The following FPGT variants were observed in gnomAD, a reference collection of about 807,000 sequenced individuals.
FPGT encodes the protein GDP-L-fucose diphosphorylase.
Under a neutral mutation model 45.8 loss-of-function variants are expected in FPGT, and 41 were observed. The observed-to-expected ratio is 0.90, with a 90% confidence interval of 0.70 to 1.16. The LOEUF (loss-of-function observed/expected upper bound fraction) is 1.16. FPGT is among the 50% of genes most tolerant of loss of function. FPGT has a pLI of 0.00. For synonymous variants in FPGT, 292 were observed against 247.2 expected (o/e 1.18, Z -1.70); for missense variants, 755 against 689.1 (o/e 1.10, Z -1.07).
chr1:74,200,866 A>G (rs1651728049), intron 2 of FPGT: 1 of 156,338 alleles, frequency 6.4e-6, no homozygotes, highest in Non-Finnish European at 1.4e-5. Context: ...TGTGGTAGTT[A>G]TATTTAAGAT....
At position 74,198,301 on chromosome 1, in the gene FPGT, C is replaced by T. The variant is rs148983142; in HGVS notation, c.23C>T (p.Pro8Leu). 4 of 1,613,970 alleles carry T rather than the reference C, an allele frequency of 2.5e-6. No homozygotes were observed. Among genetic ancestry groups the T allele is most frequent in the Non-Finnish European group, 2.5e-6 (3 of 1,180,024 alleles). MAAARDPPEVSLREATQR... is the reference protein window; with the variant it reads MAAARDPLEVSLREATQR... ...GCTATGGCAGCTGCTAGGGACCCTC[C>T]GGAAGTATCGCTGCGAGAAGCCACC... Residue 8 changes from proline (P) to leucine (L), a missense_variant, in exon 1 of 4, where the codon CCG becomes CTG. Transcript: ENST00000370898.
intron 3 of FPGT, 26 bp from the exon 4 acceptor site, chr1:74,204,365 A>G (rs1344359954): frequency 1.3e-6 from 2 of 1,490,324 alleles, no homozygotes; most frequent in East Asian, 4.6e-5. Context: ...GCATTTTTAA[A>G]TGGTTATTTC....
At position 74,205,624 on chromosome 1, in the gene FPGT, G is replaced by T. The variant is rs756604825; in HGVS notation, c.1577G>T (p.Arg526Leu). The change falls in exon 4 of 4, where the codon CGC becomes CTC. Residue 526 changes from arginine (R) to leucine (L), a missense_variant. By Grantham distance (102) the Arg-to-Leu change is moderately radical. Coordinates refer to ENST00000370898, the MANE Select transcript of FPGT (RefSeq NM_003838.5). ...ACATGTCTGAGTTTGTGGACTGCAC[G>T]CATTTTCCCAGTTTGTTCTTCTTTG... ...NKTCLSLWTA[R>L]IFPVCSSLSD... The T allele has an allele frequency of 1.2e-6, 2 of 1,611,424 alleles. No individual in the cohort carries two copies. Among genetic ancestry groups the T allele is most frequent in the Non-Finnish European group, 1.7e-6 (2 of 1,177,558 alleles).
At chr1:74,203,553 A>T (rs1448207876) in intron 3 of FPGT, among the ~76,000 whole-genome samples, 3 of 151,426 alleles carry the variant, frequency 2.0e-5, no homozygotes, top group Non-Finnish European at 4.4e-5. Flanking sequence ...CACCACGCCC[A>T]GCTAATTTTT....
chr1:74,201,115 G>T (rs1342112991), intron 2 of FPGT, among the ~76,000 whole-genome samples: 1 of 152,014 alleles, frequency 6.6e-6, no homozygotes, highest in Non-Finnish European at 1.5e-5. Context: ...TGTTGTCTGG[G>T]TTTCATTGCT....
At position 74,204,582 on chromosome 1, in the gene FPGT, G is replaced by C. The variant is rs1271712413; in HGVS notation, c.535G>C (p.Glu179Gln). ...TGAACTTTATAGTATTGGAGAATTTGAGTTTATTAGGTTTGACAAACCTGG... is the reference window on the plus strand; with the variant it reads ...TGAACTTTATAGTATTGGAGAATTTCAGTTTATTAGGTTTGACAAACCTGG... ...DIELYSIGEF[E>Q]FIRFDKPGFT... is the part of the protein sequence containing the mutation. The change falls in exon 4 of 4, where the codon GAG becomes CAG. Residue 179 changes from glutamate to glutamine, a missense_variant. Physicochemically the swap from Glu to Gln is conservative, Grantham distance 29. Transcript: ENST00000370898. The C allele has an allele frequency of 1.2e-6, 2 of 1,612,482 alleles. No homozygotes were observed. The highest frequency in any genetic ancestry group is 1.3e-5 in the African/African-American group (1 of 74,862).
rs751198362 is a variant in FPGT, at chr1:74,204,516, A to C, written c.469A>C (p.Asn157His). 6.2e-7 allele frequency: 1 copy of C among 1,609,536 alleles called. No individual in the cohort carries two copies. The highest frequency in any genetic ancestry group is 1.7e-5 in the Admixed American group (1 of 60,002). Residue 157 changes from asparagine to histidine, a missense_variant, in exon 4 of 4, where the codon AAT becomes CAT. Transcript: ENST00000370898. ...KLAMYIDFPL[N>H]MNPGILVTCA... The stretch of plus-strand genomic sequence containing the variant: ...AGCCATGTACATTGATTTCCCCTTA[A>C]ATATGAATCCTGGAATTCTGGTTAC...
Position 74,205,263 on chromosome 1 carries a change from A to G in FPGT, c.1216A>G (p.Ile406Val), listed in dbSNP as rs1652174927. Residue 406 changes from isoleucine (I) to valine (V), a missense_variant, in exon 4 of 4, where the codon ATA becomes GTA. Ile to Val is a conservative substitution (Grantham distance 29). Transcript: ENST00000370898. ...SGKTSCIIQS[I>V]LDSRCSVAPG... ...CAAAACATCCTGTATCATTCAAAGC[A>G]TACTGGATTCAAGATGTTCTGTGGC... The G allele has an allele frequency of 2.5e-6, 4 of 1,613,806 alleles. No individual in the cohort carries two copies. The highest frequency in any genetic ancestry group is 1.3e-5 in the African/African-American group (1 of 74,930).
At position 74,205,808 on chromosome 1, in the gene FPGT, C is replaced by A. The variant is rs1652241523; in HGVS notation, c.1761C>A (p.Ile587=). The A allele has an allele frequency of 1.3e-6, 2 of 1,560,428 alleles. No individual in the cohort carries two copies. Among genetic ancestry groups the A allele is most frequent in the South Asian group, 1.1e-5 (1 of 87,758 alleles). The change falls in exon 4 of 4, where the codon ATC becomes ATA. Residue 587 remains isoleucine (I), a synonymous_variant. Coordinates refer to ENST00000370898, the MANE Select transcript of FPGT (RefSeq NM_003838.5). ...ACAGGGAACAAATTTTTCTAGAAAT[C>A]AGTTTAAAAAGCAGTTTGATGTAGA... is the stretch of plus-strand genomic sequence containing the variant. The part of the protein sequence containing the change: ...ITYREQIFLE[I]SLKSSLM
At position 74,205,755 on chromosome 1, in the gene FPGT, T is replaced by A; in HGVS notation, c.1708T>A (p.Tyr570Asn). ...KLLSIEEMLI[Y>N]KDVEDMITYR... ...GCTGTCCATTGAAGAAATGCTTATCTACAAAGATGTAGAAGATATGATAAC... is the reference window on the plus strand; with the variant it reads ...GCTGTCCATTGAAGAAATGCTTATCAACAAAGATGTAGAAGATATGATAAC... Residue 570 changes from tyrosine (Y) to asparagine (N), a missense_variant, in exon 4 of 4, where the codon TAC becomes AAC. Tyr to Asn is a moderately radical substitution (Grantham distance 143). Coordinates refer to ENST00000370898, the MANE Select transcript of FPGT (RefSeq NM_003838.5). The A allele has an allele frequency of 6.3e-7, 1 of 1,597,002 alleles. No individual in the cohort carries two copies. The highest frequency in any genetic ancestry group is 8.6e-7 in the Non-Finnish European group (1 of 1,164,594).
chr1:74,208,342 C>G lies in FPGT; in HGVS notation c.*2510C>G, dbSNP rs150563550. On this transcript the variant is annotated 3_prime_UTR_variant, in exon 4 of 4. Transcript: ENST00000370898. ...AGAAGTGACTAAATTTTGTGACAATCTTAATTTTTTAGGCTTTTCATTTAG... is the reference window on the plus strand; with the variant it reads ...AGAAGTGACTAAATTTTGTGACAATGTTAATTTTTTAGGCTTTTCATTTAG... Among the ~76,000 whole-genome samples, 1,904 of 151,846 alleles carry G rather than the reference C, an allele frequency of 0.013. 15 individuals carry two copies. The highest frequency in any genetic ancestry group is 0.02 in the Non-Finnish European group (1,334 of 67,894).
intron 1 of FPGT, among the ~76,000 whole-genome samples, chr1:74,199,200 C>T (rs1342655045): frequency 6.6e-6 from 1 of 152,164 alleles, no homozygotes; most frequent in African/African-American, 2.4e-5. Flanking sequence ...CATTTATAAA[C>T]AGCAACATTG....
In FPGT at chr1:74,201,322, T is replaced by C; in HGVS notation, c.255T>C (p.Asn85=). The C allele has an allele frequency of 6.2e-7, 1 of 1,608,016 alleles. No homozygotes were observed. Among genetic ancestry groups the C allele is most frequent in the Non-Finnish European group, 8.5e-7 (1 of 1,178,276 alleles). ...FVDPAGAKIG[N]GGSTLCALQC... ...TTTTTTAACTTTGTTTTTAAGGAAA[T>C]GGAGGATCAACACTTTGTGCCCTTC... Residue 85 remains asparagine (N), a synonymous_variant, in exon 3 of 4, where the codon AAT becomes AAC. Transcript: ENST00000370898.
At chr1:74,199,243 G>A (rs1486883308) in intron 1 of FPGT, among the ~76,000 whole-genome samples, 1 of 152,170 alleles carries the variant, frequency 6.6e-6, no homozygotes, top group Non-Finnish European at 1.5e-5. Flanking sequence ...GTCTTTCTTA[G>A]TCACCTAACA....
At position 74,204,998 on chromosome 1, in the gene FPGT, C is replaced by T. The variant is rs1490003686; in HGVS notation, c.951C>T (p.Thr317=). 6.2e-7 allele frequency: 1 copy of T among 1,613,956 alleles called. No homozygotes were observed. Among genetic ancestry groups the T allele is most frequent in the East Asian group, 2.2e-5 (1 of 44,876 alleles). The change falls in exon 4 of 4, where the codon ACC becomes ACT. Residue 317 remains threonine (T), a synonymous_variant. Transcript: ENST00000370898. Reference sequence around the variant, plus strand: ...GACCTGGAGCAACTGTGGAGTACACCAGAAACACATCAAATGTCATTAAAG... The same window carrying T: ...GACCTGGAGCAACTGTGGAGTACACTAGAAACACATCAAATGTCATTAAAG... The part of the protein sequence containing the change: ...ALGPGATVEY[T]RNTSNVIKEE...
Position 74,204,911 on chromosome 1 carries a change from T to C in FPGT, c.864T>C (p.Tyr288=), listed in dbSNP as rs548025507. 6 of 1,613,594 alleles carry C rather than the reference T, an allele frequency of 3.7e-6. No individual in the cohort carries two copies. In the African/African-American group the frequency reaches 8.0e-5, roughly 22 times the overall value. The change falls in exon 4 of 4, where the codon TAT becomes TAC. Residue 288 remains tyrosine, a synonymous_variant. Coordinates refer to ENST00000370898, the MANE Select transcript of FPGT (RefSeq NM_003838.5). ...CAGCAAAAATGTTACTTGCTTTTTA[T>C]GAAAAAATAGGCACACTGAGCTGTG... The part of the protein sequence containing the change: ...HKSAKMLLAF[Y]EKIGTLSCEI...
intron 1 of FPGT, 152 bp downstream of exon 1, chr1:74,198,512 GTTTT>G (rs1367313727): frequency 9.4e-7 from 1 of 1,067,368 alleles, no homozygotes; most frequent in African/African-American, 1.6e-5. Context: ...ATCCTTTTGA[GTTTT>G]TTATTCTTTT....
chr1:74,201,199 A>G (rs956688367), intron 2 of FPGT, 119 bp from the exon 3 acceptor site: 1 of 698,514 alleles, frequency 1.4e-6, no homozygotes, highest in Non-Finnish European at 2.4e-6. Context: ...ATGTCCATCT[A>G]TTTACTTATT....
At chr1:74,199,203 C>A (rs968793772) in intron 1 of FPGT, among the ~76,000 whole-genome samples, 1 of 152,160 alleles carries the variant, frequency 6.6e-6, no homozygotes, top group Admixed American at 6.5e-5. Flanking sequence ...TTATAAACAG[C>A]AACATTGAGG....
Sources: allele counts gnomAD v4.1 joint callset (sites outside exome capture counted in the v4.1 genomes callset), GRCh38; gene constraint gnomAD v4.1.1; transcripts MANE v1.5; gene names NCBI Gene and HGNC (gene_info 2026-07-23, HGNC 2026-07-21).